The following PIP4K2B variants were observed in gnomAD, a reference collection of about 807,000 sequenced individuals.
PIP4K2B encodes phosphatidylinositol-5-phosphate 4-kinase type 2 beta.
Under a neutral mutation model 42.0 loss-of-function variants are expected in PIP4K2B, and 3 were observed. The ratio of observed to expected loss-of-function variants is 0.07; its 90% CI spans 0.03 to 0.18. The LOEUF (loss-of-function observed/expected upper bound fraction) is 0.18, where lower values mean the gene tolerates loss of function less well. PIP4K2B is among the 10% of genes least tolerant of loss of function. The probability of loss-of-function intolerance (pLI) is 1.00; values close to 1 mark genes in which losing one functional copy is unlikely to be tolerated. For missense variants in PIP4K2B, 332 were observed against 562.3 expected (o/e 0.59, Z 4.14); for synonymous variants, 204 against 210.1 (o/e 0.97, Z 0.25).
intron 3 of PIP4K2B, 129 bp downstream of exon 3, chr17:38,784,114 G>A (rs1909865537): frequency 3.2e-6 from 2 of 619,840 alleles, no homozygotes; most frequent in Non-Finnish European, 2.9e-6. Flanking sequence ...GACCGCCTGG[G>A]CTGGAGCAAG....
intron 1 of PIP4K2B, among the ~76,000 whole-genome samples, chr17:38,788,499 T>C (rs1910163733): frequency 1.3e-5 from 2 of 151,404 alleles, no homozygotes; most frequent in South Asian, 4.2e-4. Flanking sequence ...TGCGCCCGGC[T>C]GTAATAGATT....
At chr17:38,796,917 T>C (rs1183964310) in intron 1 of PIP4K2B, among the ~76,000 whole-genome samples, 1 of 151,914 alleles carries the variant, frequency 6.6e-6, no homozygotes, top group Non-Finnish European at 1.5e-5. Context: ...GGCAATGTGG[T>C]CCTGATCCCT....
chr17:38,776,617 G>A lies in PIP4K2B; in HGVS notation c.807+1070C>T, dbSNP rs780660319. The A allele has an allele frequency of 1.2e-4, 52 of 444,532 alleles. 1 individual carries two copies. The highest frequency in any genetic ancestry group is 6.7e-4 in the South Asian group (42 of 62,710). 27.5% of individuals were successfully genotyped at this position (444,532 alleles called of 1,614,324 possible). A position where few individuals can be genotyped will look rare whatever the true frequency, so the allele number is the denominator to read the frequency against. ...CTGCACTCCAGCCTGGGGACAGAAC[G>A]AGAATCTCCTAAAAAAAAACAAAAC... On this transcript the variant is annotated intron_variant, in intron 7 of 9. Coordinates refer to ENST00000619039, the MANE Select transcript of PIP4K2B (RefSeq NM_003559.5).
intron 1 of PIP4K2B, among the ~76,000 whole-genome samples, chr17:38,797,697 CAG>C (rs1910728906): frequency 2.0e-5 from 3 of 152,156 alleles, no homozygotes; most frequent in Non-Finnish European, 4.4e-5. Flanking sequence ...ACAGAACCAG[CAG>C]AGAGAGGCCT....
intron 4 of PIP4K2B, chr17:38,780,050 A>G (rs1295757844): frequency 2.2e-5 from 4 of 181,432 alleles, no homozygotes; most frequent in Admixed American, 1.1e-4. Context: ...TGCCCCAGAA[A>G]TGAAGACCCA....
intron 3 of PIP4K2B, among the ~76,000 whole-genome samples, chr17:38,782,119 C>T (rs761819075): frequency 1.6e-4 from 25 of 152,282 alleles, no homozygotes; most frequent in African/African-American, 4.3e-4. Flanking sequence ...GCTAAAGTAG[C>T]ACCCCAAAAA....
chr17:38,790,692 C>T (rs982605640), intron 1 of PIP4K2B, among the ~76,000 whole-genome samples: 9 of 152,176 alleles, frequency 5.9e-5, no homozygotes, highest in Admixed American at 4.6e-4. Flanking sequence ...TTCCTGACCT[C>T]GTGATCTGCC....
At chr17:38,779,056 T>C (rs1246452816) in intron 5 of PIP4K2B, among the ~76,000 whole-genome samples, 1 of 152,226 alleles carries the variant, frequency 6.6e-6, no homozygotes, top group Non-Finnish European at 1.5e-5. Flanking sequence ...AGTCTAGAGA[T>C]GCACTTGTGC....
In PIP4K2B at chr17:38,766,640, A is replaced by C. The variant is rs1908720641; in HGVS notation, c.*3051T>G. The C allele has an allele frequency of 6.5e-6, 1 of 152,698 alleles. No homozygotes were observed. Among genetic ancestry groups the C allele is most frequent in the African/African-American group, 2.4e-5 (1 of 41,454 alleles). The allele number at this position is 152,698 out of a possible 1,614,324, so 9.5% of individuals were successfully genotyped here. On this transcript the variant is annotated 3_prime_UTR_variant, in exon 10 of 10. Transcript: ENST00000619039. The stretch of plus-strand genomic sequence containing the variant: ...TGTGGTGGGAACTTAAGAGACTGCC[A>C]CTGAGAACAGCCACAGGGGCCACTC...
At position 38,771,038 on chromosome 17, in the gene PIP4K2B, C is replaced by A; in HGVS notation, c.1042G>T (p.Val348Phe). 1 of 1,614,078 alleles carries A rather than the reference C, an allele frequency of 6.2e-7. No individual in the cohort carries two copies. Among genetic ancestry groups the A allele is most frequent in the Non-Finnish European group, 8.5e-7 (1 of 1,180,012 alleles). Reference protein sequence around the residue: ...GPGEFDPSVDVYAMKSHESSP... With the variant: ...GPGEFDPSVDFYAMKSHESSP... ...CTTTCATGGCTTTTCATGGCATAGA[C>A]GTCAACAGAGGGGTCGAATTCCCCA... Residue 348 changes from valine to phenylalanine, a missense_variant, in exon 8 of 10, where the codon GTC becomes TTC. Transcript: ENST00000619039.
rs560978342 is a variant in PIP4K2B at position 38,769,412 on chromosome 17, A to T, written c.*279T>A. Reference sequence around the variant, plus strand: ...CTTAAAAGGTTACAAGGTACCAAAAAGGGAACCCCTTTTTAACCTGGGTGT... The same window carrying T: ...CTTAAAAGGTTACAAGGTACCAAAATGGGAACCCCTTTTTAACCTGGGTGT... On this transcript the variant is annotated 3_prime_UTR_variant, in exon 10 of 10. Transcript: ENST00000619039. 4.6e-4 allele frequency: 211 copies of T among 461,764 alleles called. No individual in the cohort carries two copies. The highest frequency in any genetic ancestry group is 7.3e-4 in the Non-Finnish European group (189 of 258,680). 28.6% of individuals were successfully genotyped at this position (461,764 alleles called of 1,614,324 possible).
rs147550150 is a variant in PIP4K2B, at chr17:38,773,897, A to G, written c.808-2625T>C. ...ATAAAGCAACATGCATTGAAAACAAATGCACTGAGTAAACTGCATTAAATT... is the reference window on the plus strand; with the variant it reads ...ATAAAGCAACATGCATTGAAAACAAGTGCACTGAGTAAACTGCATTAAATT... On this transcript the variant is annotated intron_variant, in intron 7 of 9. Transcript: ENST00000619039. Among the ~76,000 whole-genome samples, 4 of 152,370 alleles carry G rather than the reference A, an allele frequency of 2.6e-5. No homozygotes were observed. In the East Asian group the frequency reaches 7.7e-4, roughly 29 times the overall value.
intron 1 of PIP4K2B, among the ~76,000 whole-genome samples, chr17:38,792,095 CA>C (rs879579651): frequency 8.3e-4 from 115 of 137,874 alleles, no homozygotes; most frequent in Admixed American, 1.1e-3. Context: ...GACTCCGTCT[CA>C]AAAAAAAAAA....
chr17:38,794,609 TA>T (rs34374571), intron 1 of PIP4K2B, among the ~76,000 whole-genome samples: 24,801 of 34,476 alleles, frequency 0.72, 8,678 homozygotes, highest in East Asian at 0.81. Context: ...CCCAATTCAT[TA>T]AAAAAAAAAA....
At chr17:38,795,099 CAAAAAAAAA>C (rs61707682) in intron 1 of PIP4K2B, among the ~76,000 whole-genome samples, 15 of 41,500 alleles carry the variant, frequency 3.6e-4, no homozygotes, top group South Asian at 2.6e-3. Context: ...AACTCCATCT[CAAAAAAAAA>C]AAAAAAAAAA....
At chr17:38,790,090 C>T (rs1444473364) in intron 1 of PIP4K2B, among the ~76,000 whole-genome samples, 1 of 152,122 alleles carries the variant, frequency 6.6e-6, no homozygotes, top group Non-Finnish European at 1.5e-5. Context: ...AATACGCACA[C>T]TTAATATACA....
chr17:38,774,611 A>G (rs1002298358), intron 7 of PIP4K2B, among the ~76,000 whole-genome samples: 28 of 151,856 alleles, frequency 1.8e-4, no homozygotes, highest in Non-Finnish European at 2.8e-4. Flanking sequence ...TACTAAAAAT[A>G]CAAAAAAAAC....
At chr17:38,783,012 C>G (rs1045357221) in intron 3 of PIP4K2B, among the ~76,000 whole-genome samples, 1 of 151,276 alleles carries the variant, frequency 6.6e-6, no homozygotes, top group African/African-American at 2.4e-5. Flanking sequence ...ATGGTGAAAC[C>G]CCGTCTCTAC....
chr17:38,799,189 G>A lies in PIP4K2B; in HGVS notation c.159+77C>T, dbSNP rs1346944285. ...GGCAGGCGTCACCGGCAGGGCCTGC[G>A]GGGCAAGGGCCCAGGGCTGCAGGGG... On this transcript the variant is annotated intron_variant, in intron 1 of 9. Coordinates refer to ENST00000619039, the MANE Select transcript of PIP4K2B (RefSeq NM_003559.5). The surrounding 1 kb of genome is among the most constrained non-coding windows in gnomAD (Gnocchi z 4.4). 7.1e-6 allele frequency: 10 copies of A among 1,415,822 alleles called. No individual in the cohort carries two copies. The highest frequency in any genetic ancestry group is 7.4e-6 in the Non-Finnish European group (8 of 1,080,564). The allele number at this position is 1,415,822 out of a possible 1,614,324, so 87.7% of individuals were successfully genotyped here.
Sources: gnomAD v4.1 joint callset for allele counts (sites outside exome capture counted in the v4.1 genomes callset) on GRCh38, gnomAD v4.1.1 for gene constraint, Gnocchi (gnomAD v3.1) non-coding constraint, MANE v1.5 for transcripts, NCBI Gene and HGNC (gene_info 2026-07-23, HGNC 2026-07-21) for gene names.